Variants in DCC observed in about 807,000 individuals in gnomAD.
DCC encodes the protein DCC netrin 1 receptor.
In DCC, 58 loss-of-function variants were observed where a neutral mutation model predicts 172.5. The ratio of observed to expected loss-of-function variants is 0.34; its 90% confidence interval spans 0.27 to 0.42. The LOEUF is 0.42. Ranked by LOEUF, DCC falls within the 10% of genes least tolerant of loss-of-function variation. DCC has a pLI of 1.00. For synonymous variants in DCC, 709 were observed against 644.5 expected (o/e 1.10, Z -1.52); for missense variants, 1,740 against 1,791.0 (o/e 0.97, Z 0.51).
intron 1 of DCC, among the ~76,000 whole-genome samples, chr18:52,350,010 G>A (rs7238004): frequency 0.096 from 14,589 of 152,162 alleles, 767 homozygotes; most frequent in Middle Eastern, 0.12. Flanking sequence ...CAAACATATG[G>A]TCTCTCAAAA....
chr18:52,932,980 A>G (rs985559358), intron 5 of DCC, among the ~76,000 whole-genome samples: 1 of 152,168 alleles, frequency 6.6e-6, no homozygotes. Flanking sequence ...AATCATCTTA[A>G]AAGTGATTTA....
intron 7 of DCC, among the ~76,000 whole-genome samples, chr18:53,122,953 G>A (rs1471233654): frequency 6.6e-6 from 1 of 151,814 alleles, no homozygotes; most frequent in African/African-American, 2.4e-5. Context: ...TCATTTTCTT[G>A]TGAATTCTAG....
chr18:53,474,956 C>G (rs1375621694), intron 25 of DCC, among the ~76,000 whole-genome samples: 1 of 152,192 alleles, frequency 6.6e-6, no homozygotes, highest in Admixed American at 6.5e-5. Flanking sequence ...GAAATACAGT[C>G]TGAGGTGGTC....
At chr18:52,397,531 G>C (rs1986277216) in intron 1 of DCC, among the ~76,000 whole-genome samples, 1 of 151,986 alleles carries the variant, frequency 6.6e-6, no homozygotes, top group African/African-American at 2.4e-5. Flanking sequence ...GCTATGAAAG[G>C]AAGCATAACA....
chr18:52,482,653 C>T (rs1041496255), intron 1 of DCC, among the ~76,000 whole-genome samples: 2 of 152,086 alleles, frequency 1.3e-5, no homozygotes, highest in African/African-American at 4.8e-5. Context: ...AATTTAGTGA[C>T]CTCTCAAAAG....
In DCC at chr18:52,543,542, G is replaced by A. The variant is rs140727576; in HGVS notation, c.91+202664G>A. 2.0e-3 allele frequency among the ~76,000 whole-genome samples: 309 copies of A among 152,276 alleles called. 2 individuals are homozygous for A. Among genetic ancestry groups the A allele is most frequent in the African/African-American group, 7.1e-3 (295 of 41,550 alleles). The stretch of plus-strand genomic sequence containing the variant: ...ATTTGACTATCACAGGGGAAGAATG[G>A]ACATCCTTTTCCAAATAAAGGCACT... On this transcript the variant is annotated intron_variant, in intron 1 of 28. Coordinates refer to ENST00000442544, the MANE Select transcript of DCC (RefSeq NM_005215.4).
intron 1 of DCC, among the ~76,000 whole-genome samples, chr18:52,656,113 TAAC>T (rs1568277839): frequency 6.7e-6 from 1 of 148,326 alleles, no homozygotes; most frequent in Non-Finnish European, 1.5e-5. Flanking sequence ...TACATATATA[TAAC>T]ATATATATGT....
At chr18:52,586,188 A>G (rs1568241891) in intron 1 of DCC, among the ~76,000 whole-genome samples, 1 of 152,066 alleles carries the variant, frequency 6.6e-6, no homozygotes, top group Non-Finnish European at 1.5e-5. Flanking sequence ...ATAATCCAAC[A>G]TTAACAATAA....
intron 1 of DCC, among the ~76,000 whole-genome samples, chr18:52,412,208 G>T (rs1986867037): frequency 6.6e-6 from 1 of 152,094 alleles, no homozygotes; most frequent in Non-Finnish European, 1.5e-5. Flanking sequence ...ATGTGTCTGT[G>T]TGTTTGTAAA....
intron 11 of DCC, among the ~76,000 whole-genome samples, chr18:53,209,701 T>G (rs559119152): frequency 6.6e-6 from 1 of 152,350 alleles, no homozygotes; most frequent in Non-Finnish European, 1.5e-5. Context: ...AATTCTGTTA[T>G]TGAAGACAGA....
intron 1 of DCC, among the ~76,000 whole-genome samples, chr18:52,619,181 A>C (rs1045540734): frequency 6.6e-6 from 1 of 152,188 alleles, no homozygotes; most frequent in Non-Finnish European, 1.5e-5. Context: ...CAAGTGATCC[A>C]CCTGCCTCTG....
At chr18:53,403,122 C>T (rs1909434253) in intron 19 of DCC, among the ~76,000 whole-genome samples, 1 of 143,568 alleles carries the variant, frequency 7.0e-6, no homozygotes, top group Non-Finnish European at 1.5e-5. Flanking sequence ...ACACACACGT[C>T]ATTTGATTTG....
In DCC at chr18:53,144,468, C is replaced by A. The variant is rs372860544; in HGVS notation, c.1262-12888C>A. 1.8e-4 allele frequency among the ~76,000 whole-genome samples: 28 copies of A among 152,164 alleles called. No individual in the cohort carries two copies. In the East Asian group the frequency reaches 4.8e-3, roughly 26 times the overall value. On this transcript the variant is annotated intron_variant, in intron 7 of 28. Transcript: ENST00000442544. ...ACGGGACATCTTACATGGCGGCAGG[C>A]AAGAGAGAGCTTGTGCAAAGGAACT...
At chr18:52,832,514 C>T (rs372769942) in intron 2 of DCC, among the ~76,000 whole-genome samples, 2 of 152,064 alleles carry the variant, frequency 1.3e-5, no homozygotes, top group Non-Finnish European at 1.5e-5. Context: ...GGGCGTCTTC[C>T]GTGGACTCGT....
At chr18:53,038,544 G>T (rs1291442755) in intron 5 of DCC, among the ~76,000 whole-genome samples, 3 of 151,932 alleles carry the variant, frequency 2.0e-5, no homozygotes, top group Non-Finnish European at 2.9e-5. Context: ...TAGAAGCTCC[G>T]CAGAACTTTC....
At chr18:53,175,655 C>A (rs1293029564) in intron 8 of DCC, among the ~76,000 whole-genome samples, 3 of 151,858 alleles carry the variant, frequency 2.0e-5, no homozygotes, top group East Asian at 1.9e-4. Context: ...GAACTACAAA[C>A]CACTGCTCAA....
intron 2 of DCC, among the ~76,000 whole-genome samples, chr18:52,808,083 A>G (rs1437785729): frequency 6.6e-6 from 1 of 152,166 alleles, no homozygotes; most frequent in Non-Finnish European, 1.5e-5. Context: ...TTTTGCAGTT[A>G]TTCCCTAGCA....
At chr18:52,353,454 C>T (rs1406087407) in intron 1 of DCC, among the ~76,000 whole-genome samples, 1 of 152,196 alleles carries the variant, frequency 6.6e-6, no homozygotes, top group Non-Finnish European at 1.5e-5. Context: ...TGTCCCAAGT[C>T]TGATGCTGAG....
chr18:53,129,686 T>C (rs1424824037), intron 7 of DCC, among the ~76,000 whole-genome samples: 1 of 152,154 alleles, frequency 6.6e-6, no homozygotes, highest in Non-Finnish European at 1.5e-5. Flanking sequence ...TGCTGAGTAG[T>C]ATTCAATTAC....
Sources: allele counts gnomAD v4.1 joint callset (sites outside exome capture counted in the v4.1 genomes callset), GRCh38; gene constraint gnomAD v4.1.1; transcripts MANE v1.5; gene names NCBI Gene and HGNC (gene_info 2026-07-23, HGNC 2026-07-21).